The following NIPSNAP3B variants were observed in gnomAD, a reference collection of about 807,000 sequenced individuals.
NIPSNAP3B encodes protein NipSnap homolog 3B.
In NIPSNAP3B, 30 loss-of-function variants were observed where a neutral mutation model predicts 31.5. The ratio of observed to expected loss-of-function variants is 0.95; its 90% CI spans 0.71 to 1.29. The LOEUF (loss-of-function observed/expected upper bound fraction) is 1.29. NIPSNAP3B is among the 50% of genes most tolerant of loss of function. The pLI, the probability that NIPSNAP3B is intolerant of heterozygous loss-of-function variation, is 0.00. For missense variants in NIPSNAP3B, 269 were observed against 300.7 expected (o/e 0.89, Z 0.78); for synonymous variants, 106 against 107.9 (o/e 0.98, Z 0.11).
At chr9:104,765,881 G>A (rs758859683) in intron 1 of NIPSNAP3B, among the ~76,000 whole-genome samples, 1 of 152,076 alleles carries the variant, frequency 6.6e-6, no homozygotes, top group Non-Finnish European at 1.5e-5. Flanking sequence ...GTTAGTAAAC[G>A]TATTTTTGGG....
chr9:104,786,267 G>C, the NIPSNAP3B span: 4 of 1,529,402 alleles, frequency 2.6e-6, no homozygotes, highest in Non-Finnish European at 2.7e-6. Context: ...CTTCTCACTA[G>C]GCACTATCCC....
chr9:104,767,661 G>A (rs1828115889), intron 2 of NIPSNAP3B, among the ~76,000 whole-genome samples: 1 of 152,044 alleles, frequency 6.6e-6, no homozygotes, highest in Admixed American at 6.6e-5. Context: ...TGCTAATAAA[G>A]TGTTTATAAT....
At chr9:104,766,618 T>C in intron 2 of NIPSNAP3B, 83 bp downstream of exon 2, 1 of 1,276,656 alleles carries the variant, frequency 7.8e-7, no homozygotes, top group Non-Finnish European at 1.1e-6. Flanking sequence ...TGGATCTATA[T>C]TACCATAGAT....
chr9:104,772,833 T>C lies in NIPSNAP3B; in HGVS notation c.592T>C (p.Trp198Arg), dbSNP rs1828253028. The C allele has an allele frequency of 1.2e-6, 2 of 1,612,912 alleles. No homozygotes were observed. The highest frequency in any genetic ancestry group is 1.7e-6 in the Non-Finnish European group (2 of 1,179,496). Residue 198 changes from tryptophan (W) to arginine (R), a missense_variant, in exon 5 of 6, where the codon TGG becomes CGG. By Grantham distance (101) the Trp-to-Arg change is moderately radical (BLOSUM62 -3). Transcript: ENST00000374762. Reference protein sequence around the residue: ...YGELNRVHVLWWNESADSRAA... With the variant: ...YGELNRVHVLRWNESADSRAA... ...GTTTATTTCTGCAGTTCATGTTCTT[T>C]GGTGGAATGAGAGTGCAGATAGTCG... is the stretch of plus-strand genomic sequence containing the variant.
the NIPSNAP3B span, chr9:104,788,025 G>T: frequency 6.2e-7 from 1 of 1,614,184 alleles, no homozygotes; most frequent in Non-Finnish European, 8.5e-7. Context: ...ACTTCACGAG[G>T]CCCAGTTTCC....
chr9:104,778,983 T>C (rs1273548933), downstream of NIPSNAP3B, among the ~76,000 whole-genome samples: 1 of 152,216 alleles, frequency 6.6e-6, no homozygotes, highest in Admixed American at 6.5e-5. Context: ...TTGTCCTTGC[T>C]AACTCAGTAC....
chr9:104,782,382 T>C (rs1484023953), downstream of NIPSNAP3B: 1 of 152,082 alleles, frequency 6.6e-6, no homozygotes, highest in South Asian at 2.1e-4. Context: ...TAATTTGAAA[T>C]CTGAAGTCTT....
In NIPSNAP3B at chr9:104,772,197, G is replaced by GTTTTTTTTTTTTGT. The variant is rs904903715; in HGVS notation, c.581-615_581-614insTTGTTTTTTTTTTT. 2.3e-3 allele frequency among the ~76,000 whole-genome samples: 326 copies of GTTTTTTTTTTTTGT among 142,312 alleles called. 6 individuals carry two copies. Among genetic ancestry groups the GTTTTTTTTTTTTGT allele is most frequent in the East Asian group, 1.0e-3 (5 of 4,778 alleles). The allele number at this position is 142,312 out of a possible 152,430, so 93.4% of individuals were successfully genotyped here. On this transcript the variant is annotated intron_variant, in intron 4 of 5. Coordinates refer to ENST00000374762, the MANE Select transcript of NIPSNAP3B (RefSeq NM_018376.4). ...AGGTTGTCTGTTTACTCTGTTGACAGTTTTTTTTTTGTTTTTTTTTTTGCT... is the reference window on the plus strand; with the variant it reads ...AGGTTGTCTGTTTACTCTGTTGACAGTTTTTTTTTTTTGTTTTTTTTTTTGTTTTTTTTTTTGCT...
At chr9:104,784,157 A>G in the NIPSNAP3B span, 1 of 922,222 alleles carries the variant, frequency 1.1e-6, no homozygotes, top group South Asian at 1.6e-5. Context: ...TTTTGTTTTC[A>G]TTGCATTGAA....
Position 104,764,284 on chromosome 9 carries a change from G to C in NIPSNAP3B, c.44G>C (p.Arg15Pro), listed in dbSNP as rs1828042212. Residue 15 changes from arginine (R) to proline (P), a missense_variant, in exon 1 of 6, where the codon CGG becomes CCG. Coordinates refer to ENST00000374762, the MANE Select transcript of NIPSNAP3B (RefSeq NM_018376.4). ...RSGLTKALAS[R>P]TLAPQVCSSF... ...GGCCTGACCAAGGCGCTTGCCTCACGGACGCTCGCGCCTCAGGTACTGGCC... is the reference window on the plus strand; with the variant it reads ...GGCCTGACCAAGGCGCTTGCCTCACCGACGCTCGCGCCTCAGGTACTGGCC... The C allele has an allele frequency of 1.3e-6, 2 of 1,591,166 alleles. No individual in the cohort carries two copies. Among genetic ancestry groups the C allele is most frequent in the Non-Finnish European group, 1.7e-6 (2 of 1,171,160 alleles).
chr9:104,766,210 G>T, intron 1 of NIPSNAP3B, 115 bp from the exon 2 acceptor site: 1 of 756,776 alleles, frequency 1.3e-6, no homozygotes, highest in Non-Finnish European at 2.2e-6. Flanking sequence ...GACAACAAAA[G>T]TAAACAATGG....
At chr9:104,779,965 T>C (rs368074189), downstream of NIPSNAP3B, among the ~76,000 whole-genome samples, 6 of 152,282 alleles carry the variant, frequency 3.9e-5, no homozygotes, top group South Asian at 2.1e-4. Context: ...AGGCGGAGGT[T>C]GCAGTGAGCC....
intron 3 of NIPSNAP3B, among the ~76,000 whole-genome samples, chr9:104,769,675 C>T (rs2472476): frequency 0.65 from 98,704 of 151,968 alleles, 32,528 homozygotes; most frequent in Admixed American, 0.74. Context: ...AGTCGTAGTT[C>T]ATGAAATTTT....
At chr9:104,784,100 G>C in the NIPSNAP3B span, 3 of 576,088 alleles carry the variant, frequency 5.2e-6, no homozygotes, top group South Asian at 4.3e-5. Context: ...TTTCACTTGA[G>C]AGCCATACAA....
chr9:104,787,808 C>T, the NIPSNAP3B span: 2 of 1,609,572 alleles, frequency 1.2e-6, no homozygotes, highest in Non-Finnish European at 1.7e-6. Flanking sequence ...CTCTGCTGTC[C>T]CTGGGGGAAG....
the NIPSNAP3B span, chr9:104,785,757 A>G: frequency 1.6e-6 from 2 of 1,248,156 alleles, no homozygotes; most frequent in East Asian, 2.4e-5. Context: ...AGGCCCAGAA[A>G]TAAGTTTCTG....
At chr9:104,765,942 A>G (rs943065284) in intron 1 of NIPSNAP3B, among the ~76,000 whole-genome samples, 3 of 152,220 alleles carry the variant, frequency 2.0e-5, no homozygotes, top group African/African-American at 7.2e-5. Flanking sequence ...GTGTGGAACT[A>G]ATACATATGG....
chr9:104,790,321 AG>A, the NIPSNAP3B span, among the ~76,000 whole-genome samples: 1 of 152,214 alleles, frequency 6.6e-6, no homozygotes, highest in African/African-American at 2.4e-5. Flanking sequence ...AGATGTATAC[AG>A]GGACATATTT....
chr9:104,769,643 G>C (rs1301929901), intron 3 of NIPSNAP3B, among the ~76,000 whole-genome samples: 1 of 152,138 alleles, frequency 6.6e-6, no homozygotes, highest in Non-Finnish European at 1.5e-5. Context: ...TTGGGAGCTA[G>C]GAAAACAGGT....
Sources: allele counts gnomAD v4.1 joint callset (sites outside exome capture counted in the v4.1 genomes callset), GRCh38; gene constraint gnomAD v4.1.1; transcripts MANE v1.5; gene names NCBI Gene and HGNC (gene_info 2026-07-23, HGNC 2026-07-21).